The following NAALADL2 variants were observed in gnomAD, a reference collection of about 807,000 sequenced individuals.
NAALADL2 encodes the protein inactive N-acetylated-alpha-linked acidic dipeptidase-like protein 2.
Under a neutral mutation model 87.2 loss-of-function variants are expected in NAALADL2, and 76 were observed. That is an observed-to-expected ratio of 0.87 (90% CI 0.72 to 1.05). The LOEUF (loss-of-function observed/expected upper bound fraction) is 1.05. Among genes scored for constraint, NAALADL2 ranks in the 50% least tolerant of loss-of-function variants. The pLI, the probability that NAALADL2 is intolerant of heterozygous loss-of-function variation, is 0.00. For synonymous variants in NAALADL2, 354 were observed against 331.0 expected (o/e 1.07, Z -0.75); for missense variants, 1,089 against 945.8 (o/e 1.15, Z -1.99).
chr3:175,634,555 C>T (rs1371512779), intron 11 of NAALADL2, among the ~76,000 whole-genome samples: 3 of 151,742 alleles, frequency 2.0e-5, no homozygotes, highest in Admixed American at 6.6e-5. Context: ...ATTCCAAATA[C>T]CTTTTATTTA....
intron 9 of NAALADL2, among the ~76,000 whole-genome samples, chr3:175,534,713 A>C (rs924859140): frequency 2.0e-5 from 3 of 151,936 alleles, no homozygotes; most frequent in Non-Finnish European, 4.4e-5. Context: ...TTAAATGATA[A>C]AGGAGGCCTA....
At chr3:175,267,533 A>G (rs1752140146) in intron 4 of NAALADL2, among the ~76,000 whole-genome samples, 1 of 152,124 alleles carries the variant, frequency 6.6e-6, no homozygotes. Flanking sequence ...TGTTAAATTT[A>G]TTTTGTCTAA....
chr3:174,498,053 C>T (rs545880699), intron 1 of NAALADL2, among the ~76,000 whole-genome samples: 1 of 152,052 alleles, frequency 6.6e-6, no homozygotes, highest in East Asian at 1.9e-4. Flanking sequence ...AATTGATATA[C>T]AGGAAAGGGC....
At chr3:174,543,074 T>C (rs561529027) in intron 1 of NAALADL2, among the ~76,000 whole-genome samples, 3 of 152,114 alleles carry the variant, frequency 2.0e-5, no homozygotes, top group Admixed American at 2.0e-4. Flanking sequence ...TCAGGGAGAT[T>C]GATAGTGCAA....
chr3:175,241,653 A>G (rs1054471183), intron 3 of NAALADL2, among the ~76,000 whole-genome samples: 1 of 152,148 alleles, frequency 6.6e-6, no homozygotes, highest in Non-Finnish European at 1.5e-5. Flanking sequence ...AACACAACAT[A>G]TTGTACATAG....
intron 1 of NAALADL2, among the ~76,000 whole-genome samples, chr3:174,499,661 C>T (rs1300231640): frequency 6.6e-6 from 1 of 151,970 alleles, no homozygotes; most frequent in Admixed American, 6.5e-5. Context: ...GTTTCAGCAT[C>T]AGTTATTGAA....
At chr3:174,564,709 T>C (rs956169632) in intron 2 of NAALADL2, among the ~76,000 whole-genome samples, 2 of 152,130 alleles carry the variant, frequency 1.3e-5, no homozygotes, top group African/African-American at 4.8e-5. Flanking sequence ...TTGTTATATA[T>C]TCCTAATGAA....
Position 175,173,966 on chromosome 3 carries a change from ATT to A in NAALADL2, c.546-59956_546-59955del, listed in dbSNP as rs66780267. ...TTTTAAGGATGATTCTTCAGTTTGA[ATT>A]TTTTTTTTAACTTTGGTCCTCCAGT... On this transcript the variant is annotated intron_variant, in intron 2 of 13. Transcript: ENST00000454872. Among the ~76,000 whole-genome samples, 22 of 151,852 alleles carry A rather than the reference ATT, an allele frequency of 1.4e-4. No individual in the cohort carries two copies. In the East Asian group the frequency reaches 1.5e-3, roughly 11 times the overall value.
chr3:175,482,552 A>C (rs909682695), intron 9 of NAALADL2, among the ~76,000 whole-genome samples: 1 of 151,972 alleles, frequency 6.6e-6, no homozygotes, highest in African/African-American at 2.4e-5. Context: ...GTATATGTTC[A>C]GAAATATCTT....
intron 10 of NAALADL2, among the ~76,000 whole-genome samples, chr3:175,613,930 TATAG>T (rs1170668225): frequency 6.6e-6 from 1 of 152,238 alleles, no homozygotes; most frequent in East Asian, 1.9e-4. Context: ...TATATCCATC[TATAG>T]ATATTCTCTT....
At chr3:175,008,750 G>A (rs1412858452) in intron 1 of NAALADL2, among the ~76,000 whole-genome samples, 2 of 105,274 alleles carry the variant, frequency 1.9e-5, no homozygotes, top group African/African-American at 5.6e-5. Flanking sequence ...TTATAGGGTA[G>A]GCTAGGGTTT....
chr3:175,194,142 T>C (rs908215141), intron 2 of NAALADL2, among the ~76,000 whole-genome samples: 1 of 151,984 alleles, frequency 6.6e-6, no homozygotes, highest in East Asian at 1.9e-4. Context: ...TAGAAGCAGA[T>C]GTTATTATAT....
intron 1 of NAALADL2, among the ~76,000 whole-genome samples, chr3:175,043,284 G>A (rs1024740784): frequency 6.6e-6 from 1 of 152,028 alleles, no homozygotes; most frequent in Non-Finnish European, 1.5e-5. Flanking sequence ...TGTCACCCAG[G>A]CTGGAGTTCA....
intron 9 of NAALADL2, among the ~76,000 whole-genome samples, chr3:175,502,297 A>C (rs1434857918): frequency 6.6e-6 from 1 of 151,422 alleles, no homozygotes; most frequent in East Asian, 1.9e-4. Flanking sequence ...TTAACATTTG[A>C]ATGAGTAGGC....
At chr3:175,141,603 T>C (rs963860369) in intron 2 of NAALADL2, among the ~76,000 whole-genome samples, 2 of 152,090 alleles carry the variant, frequency 1.3e-5, no homozygotes, top group Non-Finnish European at 2.9e-5. Flanking sequence ...ATCTACATAT[T>C]TCATAAGAAA....
At chr3:174,629,932 G>A (rs1470333514) in intron 2 of NAALADL2, among the ~76,000 whole-genome samples, 3 of 152,188 alleles carry the variant, frequency 2.0e-5, no homozygotes, top group Non-Finnish European at 2.9e-5. Context: ...TGAAAGGGTA[G>A]CTTATTAGCG....
chr3:175,412,672 T>G (rs1413445622), intron 5 of NAALADL2, among the ~76,000 whole-genome samples: 1 of 151,922 alleles, frequency 6.6e-6, no homozygotes, highest in Non-Finnish European at 1.5e-5. Flanking sequence ...CTTCAGTACA[T>G]AAGGCTCAAA....
chr3:174,904,159 C>G (rs1193317577), intron 1 of NAALADL2, among the ~76,000 whole-genome samples: 2 of 151,576 alleles, frequency 1.3e-5, no homozygotes, highest in Non-Finnish European at 2.9e-5. Context: ...TACAATCCAC[C>G]TTATTTGGGA....
Position 175,663,120 on chromosome 3 carries a change from T to G in NAALADL2, c.1896+35734T>G, listed in dbSNP as rs1732484562. ...TTAAATGTTTGGTAGAATTCAGCAG[T>G]GTATACATTAGCTCCTGGGCTTGCT... is the stretch of plus-strand genomic sequence containing the variant. On this transcript the variant is annotated intron_variant, in intron 11 of 13. Transcript: ENST00000454872. 2.0e-5 allele frequency among the ~76,000 whole-genome samples: 3 copies of G among 151,870 alleles called. No individual in the cohort carries two copies. The South Asian group carries it at 6.2e-4, about 31-fold the overall frequency.
Sources: allele counts gnomAD v4.1 joint callset (sites outside exome capture counted in the v4.1 genomes callset), GRCh38; gene constraint gnomAD v4.1.1; transcripts MANE v1.5; gene names NCBI Gene and HGNC (gene_info 2026-07-23, HGNC 2026-07-21).